Variants in PPEF2 observed in about 807,000 individuals in gnomAD.
PPEF2 encodes serine/threonine-protein phosphatase with EF-hands 2.
In PPEF2, 84 loss-of-function variants were observed where a neutral mutation model predicts 84.7. The observed-to-expected ratio is 0.99, with a 90% confidence interval of 0.83 to 1.19. The LOEUF (loss-of-function observed/expected upper bound fraction) is 1.19, where lower values mean the gene tolerates loss of function less well. Among genes scored for constraint, PPEF2 ranks in the 50% most tolerant of loss-of-function variants. The pLI is 0.00. For synonymous variants in PPEF2, 346 were observed against 345.2 expected (o/e 1.00, Z -0.03); for missense variants, 924 against 937.5 (o/e 0.99, Z 0.19).
At chr4:75,899,484 C>A (rs1725073909) in intron 1 of PPEF2, among the ~76,000 whole-genome samples, 1 of 152,162 alleles carries the variant, frequency 6.6e-6, no homozygotes, top group South Asian at 2.1e-4. Flanking sequence ...ACTGACTTAA[C>A]ATCAAGAGCG....
At chr4:75,867,638 G>T (rs1018618372) in intron 13 of PPEF2, among the ~76,000 whole-genome samples, 1 of 152,162 alleles carries the variant, frequency 6.6e-6, no homozygotes, top group Non-Finnish European at 1.5e-5. Flanking sequence ...TAGAGAAGAA[G>T]TTCTGGAGAA....
intron 10 of PPEF2, among the ~76,000 whole-genome samples, chr4:75,879,477 G>A (rs1007986920): frequency 6.6e-6 from 1 of 152,014 alleles, no homozygotes; most frequent in African/African-American, 2.4e-5. Flanking sequence ...AAAAAATATT[G>A]TGCCTTCTGC....
intron 13 of PPEF2, among the ~76,000 whole-genome samples, chr4:75,869,374 T>C (rs1252894283): frequency 2.0e-5 from 3 of 152,172 alleles, no homozygotes; most frequent in Non-Finnish European, 4.4e-5. Context: ...AACGATAACA[T>C]GAAGTCCATT....
chr4:75,886,612 C>G (rs1033058663), intron 7 of PPEF2, among the ~76,000 whole-genome samples: 1 of 151,868 alleles, frequency 6.6e-6, no homozygotes, highest in Non-Finnish European at 1.5e-5. Flanking sequence ...CCCAGCTACT[C>G]GGGAGGCTGA....
chr4:75,896,423 G>T, intron 1 of PPEF2, 40 bp from the exon 2 acceptor site: 1 of 1,366,934 alleles, frequency 7.3e-7, no homozygotes, highest in South Asian at 1.2e-5. Flanking sequence ...GGAGATGCAG[G>T]CAGAGTATTA....
At chr4:75,876,223 T>C (rs949693276) in intron 11 of PPEF2, 64 bp downstream of exon 11, 6 of 1,513,678 alleles carry the variant, frequency 4.0e-6, no homozygotes, top group Admixed American at 2.2e-5. Context: ...TGAGTTTCCC[T>C]GGAAGGGAGA....
Position 75,896,370 on chromosome 4 carries a change from C to T in PPEF2, c.-45G>A. The T allele has an allele frequency of 1.9e-6, 3 of 1,599,038 alleles. No individual in the cohort carries two copies. Among genetic ancestry groups the T allele is most frequent in the Non-Finnish European group, 2.6e-6 (3 of 1,166,278 alleles). ...TGCAGGACGCAGCAGATCCAGAGGA[C>T]AGTGAGCTGTTTGCTGACAAAATGA... On this transcript the variant is annotated 5_prime_UTR_variant, in exon 2 of 17. Coordinates refer to ENST00000286719, the MANE Select transcript of PPEF2 (RefSeq NM_006239.3).
At chr4:75,879,718 T>C (rs1398170431) in intron 10 of PPEF2, among the ~76,000 whole-genome samples, 1 of 152,222 alleles carries the variant, frequency 6.6e-6, no homozygotes, top group Non-Finnish European at 1.5e-5. Flanking sequence ...TTATAAGGTA[T>C]GAATGTTCAA....
chr4:75,875,718 C>T (rs572857477), intron 11 of PPEF2, among the ~76,000 whole-genome samples: 11 of 152,304 alleles, frequency 7.2e-5, no homozygotes, highest in East Asian at 5.8e-4. Context: ...TCGGTGAAGT[C>T]GGCTGCCTAA....
intron 15 of PPEF2, among the ~76,000 whole-genome samples, chr4:75,865,654 A>C (rs1724109636): frequency 6.6e-6 from 1 of 152,084 alleles, no homozygotes; most frequent in Admixed American, 6.6e-5. Flanking sequence ...CCAAAGTGCT[A>C]GGATTACAGG....
intron 2 of PPEF2, among the ~76,000 whole-genome samples, chr4:75,894,560 AAGGCAGTTAGAGGCACTGAAGTC>A (rs1223881434): frequency 3.9e-5 from 6 of 152,232 alleles, no homozygotes; most frequent in African/African-American, 1.4e-4. Flanking sequence ...CCCATAGCCA[AAGGCAGTTAGAGGCACTGAAGTC>A]AGGCAGGCCC....
chr4:75,869,583 G>A (rs189180161), intron 13 of PPEF2, among the ~76,000 whole-genome samples: 19 of 152,244 alleles, frequency 1.2e-4, no homozygotes, highest in South Asian at 8.3e-4. Flanking sequence ...ATGGTGGCTC[G>A]CACCTGTAAT....
chr4:75,887,501 G>C (rs1239813859), intron 6 of PPEF2, among the ~76,000 whole-genome samples: 1 of 151,678 alleles, frequency 6.6e-6, no homozygotes, highest in Non-Finnish European at 1.5e-5. Context: ...GGCGCCTGTA[G>C]TCCCAGCTAC....
At chr4:75,884,891 C>A in intron 7 of PPEF2, 131 bp from the exon 8 acceptor site, 1 of 738,296 alleles carries the variant, frequency 1.4e-6, no homozygotes, top group Non-Finnish European at 2.2e-6. Flanking sequence ...CTCCTCCAAG[C>A]CTGAAATGTC....
At position 75,884,681 on chromosome 4, in the gene PPEF2, A is replaced by C. The variant is rs1724677121; in HGVS notation, c.659T>G (p.Leu220Arg). ...VDRGKDSVEI[L>R]MILFAFMLVY... ...CAGCATGAAGGCAAAAAGAATCATC[A>C]GGATCTCTACTGAATCCTTGCCTCG... Residue 220 changes from leucine to arginine, a missense_variant, in exon 8 of 17, where the codon CTG becomes CGG. By Grantham distance (102) the Leu-to-Arg change is moderately radical. Coordinates refer to ENST00000286719, the MANE Select transcript of PPEF2 (RefSeq NM_006239.3). The C allele has an allele frequency of 1.2e-6, 2 of 1,613,898 alleles. No homozygotes were observed. The highest frequency in any genetic ancestry group is 4.5e-5 in the East Asian group (2 of 44,880).
intron 13 of PPEF2, among the ~76,000 whole-genome samples, chr4:75,868,315 C>CAAAAA (rs10646136): frequency 0.082 from 4,560 of 55,706 alleles, 497 homozygotes; most frequent in Non-Finnish European, 0.097. Context: ...GACCCTGTCT[C>CAAAAA]AAAAAAAAAA....
At position 75,894,644 on chromosome 4, in the gene PPEF2, G is replaced by A. The variant is rs1311331482; in HGVS notation, c.55+1627C>T. 2.0e-5 allele frequency among the ~76,000 whole-genome samples: 3 copies of A among 152,146 alleles called. No individual in the cohort carries two copies. The East Asian group carries it at 5.8e-4, about 29-fold the overall frequency. ...TCTCAGGAGCTGGGGTTTAACACCTGTATGGGGATGAGAGTGAGTTCCTGG... is the reference window on the plus strand; with the variant it reads ...TCTCAGGAGCTGGGGTTTAACACCTATATGGGGATGAGAGTGAGTTCCTGG... On this transcript the variant is annotated intron_variant, in intron 2 of 16. Coordinates refer to ENST00000286719, the MANE Select transcript of PPEF2 (RefSeq NM_006239.3).
chr4:75,867,163 G>T, intron 14 of PPEF2, 150 bp downstream of exon 14: 2 of 538,688 alleles, frequency 3.7e-6, no homozygotes, highest in African/African-American at 1.9e-5. Context: ...GAATAAATGA[G>T]ACATTAAGTT....
chr4:75,876,408 C>A lies in PPEF2; in HGVS notation c.1199G>T (p.Arg400Leu), dbSNP rs1233850744. ...CAGGAGGCCTGCTTGCTGCCGGCAC[C>A]GCTCTAGCTCCAGTTCCACGGAGCT... ...VRSSVELELE[R>L]CRQQAGLLVT... Residue 400 changes from arginine to leucine, a missense_variant, in exon 11 of 17, where the codon CGG (arginine) becomes CTG (leucine). Coordinates refer to ENST00000286719, the MANE Select transcript of PPEF2 (RefSeq NM_006239.3). 6.2e-7 allele frequency: 1 copy of A among 1,614,156 alleles called. No homozygotes were observed.
Sources: gnomAD v4.1 joint callset for allele counts (sites outside exome capture counted in the v4.1 genomes callset) on GRCh38, gnomAD v4.1.1 for gene constraint, MANE v1.5 for transcripts, NCBI Gene and HGNC (gene_info 2026-07-23, HGNC 2026-07-21) for gene names.